The following PDCD6 variants were observed in gnomAD, a reference collection of about 807,000 sequenced individuals.
The protein encoded by PDCD6 is programmed cell death 6.
A neutral mutation model predicts 28.3 loss-of-function variants in PDCD6; 12 were observed. The ratio of observed to expected loss-of-function variants is 0.42; its 90% CI spans 0.27 to 0.69. The LOEUF (loss-of-function observed/expected upper bound fraction) is 0.69. PDCD6 is among the 30% of genes least tolerant of loss of function. The pLI is 0.22. For missense variants in PDCD6, 226 were observed against 269.9 expected, an observed-to-expected ratio of 0.84 and a Z score of 1.14; for synonymous variants, 92 against 108.0, an observed-to-expected ratio of 0.85 and a Z score of 0.92.
chr5:307,690 C>A lies in PDCD6; in HGVS notation c.367+930C>A, dbSNP rs937909731. 6.6e-6 allele frequency among the ~76,000 whole-genome samples: 1 copy of A among 152,140 alleles called. No homozygotes were observed. The highest frequency in any genetic ancestry group is 1.5e-5 in the Non-Finnish European group (1 of 68,032). The stretch of plus-strand genomic sequence containing the variant: ...CTGGCCCCTGTTGTGAAGCCGCTTC[C>A]GTGATTTGCTTAAAAGGCTCCTTAG... On this transcript the variant is annotated intron_variant, in intron 4 of 5. Coordinates refer to ENST00000264933, the MANE Select transcript of PDCD6 (RefSeq NM_013232.4). The surrounding 1 kb of genome is among the most constrained non-coding windows in gnomAD (Gnocchi z 6.1).
intron 2 of PDCD6, among the ~76,000 whole-genome samples, chr5:285,050 AG>A (rs1738856812): frequency 8.7e-6 from 1 of 114,676 alleles, no homozygotes; most frequent in Non-Finnish European, 1.7e-5. Flanking sequence ...GCTACCCCCG[AG>A]TCTCCAGCTG....
chr5:304,540 G>C (rs1740343810), intron 3 of PDCD6: 1 of 156,094 alleles, frequency 6.4e-6, no homozygotes. Context: ...GGGTGTTTTT[G>C]ATAGACATTG....
Position 290,013 on chromosome 5 carries a change from T to C in PDCD6, c.164-14164T>C. On this transcript the variant is annotated intron_variant, in intron 2 of 5. Transcript: ENST00000264933. The stretch of plus-strand genomic sequence containing the variant: ...TCCTTGGATCTGTTAACAATTCACA[T>C]AGTCGCTGAATAGTAAAAGGGATAC... 3 of 1,600,274 alleles carry C rather than the reference T, an allele frequency of 1.9e-6. No individual in the cohort carries two copies. In the South Asian group the frequency reaches 3.3e-5, roughly 18 times the overall value.
In PDCD6 at chr5:298,739, C is replaced by CA. The variant is rs1286845402; in HGVS notation, c.164-5438_164-5437insA. Among the ~76,000 whole-genome samples, 202 of 31,658 alleles carry CA rather than the reference C, an allele frequency of 6.4e-3. 2 individuals carry two copies. The highest frequency in any genetic ancestry group is 0.012 in the Non-Finnish European group (129 of 10,486). 20.8% of individuals were successfully genotyped at this position (31,658 alleles called of 152,430 possible). On this transcript the variant is annotated intron_variant, in intron 2 of 5. Coordinates refer to ENST00000264933, the MANE Select transcript of PDCD6 (RefSeq NM_013232.4). ...CCAGCTGCTCCCACCCAGCTGCTCC[C>CA]CCCAGCTGCTCACCCCCAACTGCTC...
In PDCD6 at chr5:271,744, C is replaced by T. The variant is rs781514333; in HGVS notation, c.24C>T (p.Pro8=). 17 of 1,180,520 alleles carry T rather than the reference C, an allele frequency of 1.4e-5. No homozygotes were observed. Among genetic ancestry groups the T allele is most frequent in the Middle Eastern group, 2.3e-4 (1 of 4,314 alleles). 73.1% of individuals were successfully genotyped at this position (1,180,520 alleles called of 1,614,324 possible). Residue 8 remains proline (P), a synonymous_variant, in exon 1 of 6, where the codon CCC becomes CCT. Coordinates refer to ENST00000264933, the MANE Select transcript of PDCD6 (RefSeq NM_013232.4). ...CCATGGCCGCCTACTCTTACCGCCC[C>T]GGCCCTGGGGCCGGCCCTGGGCCTG... MAAYSYR[P]GPGAGPGPAA... is the part of the protein sequence containing the mutation.
At chr5:288,711 C>T in intron 2 of PDCD6, 1 of 461,052 alleles carries the variant, frequency 2.2e-6, no homozygotes, top group East Asian at 3.3e-5. Flanking sequence ...CCATAAAGTA[C>T]TTTATTGTTT....
intron 4 of PDCD6, chr5:308,400 G>A (rs901214168): frequency 1.3e-5 from 2 of 152,130 alleles, no homozygotes; most frequent in African/African-American, 2.4e-5. Flanking sequence ...CCTTCCTCCC[G>A]CCCTGGAGTG....
At chr5:287,213 C>T (rs958268188) in intron 2 of PDCD6, among the ~76,000 whole-genome samples, 1 of 152,104 alleles carries the variant, frequency 6.6e-6, no homozygotes, top group Non-Finnish European at 1.5e-5. Context: ...TGTGGACAAG[C>T]CAGGCTGGTG....
chr5:276,431 C>A, intron 2 of PDCD6: 1 of 988,182 alleles, frequency 1.0e-6, no homozygotes, highest in Non-Finnish European at 1.2e-6. Flanking sequence ...CTTGGATAAA[C>A]ACATATCCTC....
At chr5:273,693 G>A (rs372725984) in intron 2 of PDCD6, among the ~76,000 whole-genome samples, 1 of 93,404 alleles carries the variant, frequency 1.1e-5, no homozygotes, top group African/African-American at 9.8e-5. Flanking sequence ...CGCTGTGGGT[G>A]GGGGGGTGCT....
Position 289,643 on chromosome 5 carries a change from A to C in PDCD6, c.164-14534A>C, listed in dbSNP as rs113698746. 40 of 1,116,324 alleles carry C rather than the reference A, an allele frequency of 3.6e-5. No individual in the cohort carries two copies. In the African/African-American group the frequency reaches 5.8e-4, roughly 16 times the overall value. The allele number at this position is 1,116,324 out of a possible 1,614,324, so 69.2% of individuals were successfully genotyped here. A position where few individuals can be genotyped will look rare whatever the true frequency, so the allele number is the denominator to read the frequency against. On this transcript the variant is annotated intron_variant, in intron 2 of 5. Coordinates refer to ENST00000264933, the MANE Select transcript of PDCD6 (RefSeq NM_013232.4). Reference sequence around the variant, plus strand: ...TCTTCATCTGGATGTTTATTTTTCAAAGGGCTCACTGAGCAAACTTCTGAT... The same window carrying C: ...TCTTCATCTGGATGTTTATTTTTCACAGGGCTCACTGAGCAAACTTCTGAT...
intron 2 of PDCD6, among the ~76,000 whole-genome samples, chr5:301,271 A>G (rs1740032104): frequency 6.6e-6 from 1 of 152,170 alleles, no homozygotes. Context: ...GGCTTCTGTC[A>G]GCGCTGGGTC....
At chr5:287,952 C>T (rs1343312322) in intron 2 of PDCD6, among the ~76,000 whole-genome samples, 3 of 152,152 alleles carry the variant, frequency 2.0e-5, no homozygotes, top group African/African-American at 4.8e-5. Flanking sequence ...CATAAACATT[C>T]ATTCTACAAA....
Position 284,939 on chromosome 5 carries a change from A to G in PDCD6, c.163+12167A>G, listed in dbSNP as rs1738849806. Among the ~76,000 whole-genome samples the G allele has an allele frequency of 2.2e-5, 3 of 136,146 alleles. No individual in the cohort carries two copies. In the Admixed American group the frequency reaches 2.3e-4, roughly 10 times the overall value. The allele number at this position is 136,146 out of a possible 152,430, so 89.3% of individuals were successfully genotyped here. ...GACCCGGGGAGGAATATCAAACTCG[A>G]ACATCTGCTCCCCACAGTGTCTCCA... On this transcript the variant is annotated intron_variant, in intron 2 of 5. Coordinates refer to ENST00000264933, the MANE Select transcript of PDCD6 (RefSeq NM_013232.4).
At position 289,027 on chromosome 5, in the gene PDCD6, G is replaced by A. The variant is rs771316573; in HGVS notation, c.164-15150G>A. On this transcript the variant is annotated intron_variant, in intron 2 of 5. Transcript: ENST00000264933. ...GAATGTAGTAAATCTTTCTCAGCTT[G>A]AGACACATCAGATTCCTCCATTTGA... The A allele has an allele frequency of 1.4e-5, 18 of 1,263,504 alleles. No individual in the cohort carries two copies. The Admixed American group carries it at 2.0e-4, about 14-fold the overall frequency. The allele number at this position is 1,263,504 out of a possible 1,614,324, so 78.3% of individuals were successfully genotyped here.
chr5:272,957 G>A, intron 2 of PDCD6, 185 bp downstream of exon 2: 2 of 1,167,574 alleles, frequency 1.7e-6, no homozygotes, highest in African/African-American at 1.9e-5. Context: ...ACTGCTTGGA[G>A]TGCCTCACCG....
intron 2 of PDCD6, among the ~76,000 whole-genome samples, chr5:293,049 C>G (rs1376144982): frequency 6.6e-6 from 1 of 152,186 alleles, no homozygotes; most frequent in Admixed American, 6.5e-5. Flanking sequence ...CTGCACCATC[C>G]GGAAAACCAA....
At chr5:296,124 C>T (rs1460449529) in intron 2 of PDCD6, among the ~76,000 whole-genome samples, 2 of 152,182 alleles carry the variant, frequency 1.3e-5, no homozygotes, top group African/African-American at 2.4e-5. Context: ...AGACAAATGT[C>T]ACTTTCTCAA....
At chr5:271,859 C>G (rs773257448) in intron 1 of PDCD6, 38 bp downstream of exon 1, 1 of 1,197,444 alleles carries the variant, frequency 8.4e-7, no homozygotes, top group Non-Finnish European at 1.1e-6. Flanking sequence ...CCCGCCTCCG[C>G]CGCGGCGGCC....
Sources: gnomAD v4.1 joint callset for allele counts (sites outside exome capture counted in the v4.1 genomes callset) on GRCh38, gnomAD v4.1.1 for gene constraint, Gnocchi (gnomAD v3.1) non-coding constraint, MANE v1.5 for transcripts, NCBI Gene and HGNC (gene_info 2026-07-23, HGNC 2026-07-21) for gene names.